The following DENND3 variants were observed in gnomAD, a reference collection of about 807,000 sequenced individuals.
The protein encoded by DENND3 is DENN domain-containing protein 3.
In DENND3, 88 loss-of-function variants were observed where a neutral mutation model predicts 135.1. The ratio of observed to expected loss-of-function variants is 0.65; its 90% CI spans 0.55 to 0.78. The LOEUF (loss-of-function observed/expected upper bound fraction) is 0.78. Ranked by LOEUF, DENND3 falls within the 30% of genes least tolerant of loss-of-function variation. DENND3 has a pLI of 0.00. For missense variants in DENND3, 1,392 were observed against 1,688.4 expected (o/e 0.82, Z 3.08); for synonymous variants, 693 against 712.3 (o/e 0.97, Z 0.43).
chr8:141,160,506 G>A lies in DENND3; in HGVS notation c.1197-126G>A, dbSNP rs1202554828. ...CAGTGATGTACTTTAATGACCACCC[G>A]CCCCTCAAATTATTGATCGGTATTT... On this transcript the variant is annotated intron_variant, in intron 8 of 22. Transcript: ENST00000519811. 6.7e-6 allele frequency: 8 copies of A among 1,195,060 alleles called. No individual in the cohort carries two copies. The Admixed American group carries it at 9.2e-5, about 14-fold the overall frequency. The allele number at this position is 1,195,060 out of a possible 1,614,324, so 74.0% of individuals were successfully genotyped here.
chr8:141,177,880 C>A, intron 15 of DENND3, 187 bp from the exon 16 acceptor site: 1 of 709,944 alleles, frequency 1.4e-6, no homozygotes, highest in Non-Finnish European at 2.1e-6. Flanking sequence ...TATAAACAAT[C>A]AATATTTGTC....
chr8:141,128,949 GCGCGCCTGTGGCCGGGGAT>G lies in DENND3; in HGVS notation c.102+147_102+165del. The G allele has an allele frequency of 1.6e-6, 1 of 612,440 alleles. No individual in the cohort carries two copies. The highest frequency in any genetic ancestry group is 2.5e-6 in the Non-Finnish European group (1 of 404,192). 37.9% of individuals were successfully genotyped at this position (612,440 alleles called of 1,614,324 possible). A position where few individuals can be genotyped will look rare whatever the true frequency, so the allele number is the denominator to read the frequency against. On this transcript the variant is annotated intron_variant, in intron 1 of 22. Transcript: ENST00000519811. The surrounding 1 kb of genome is among the most constrained non-coding windows in gnomAD (Gnocchi z 4.5). The stretch of plus-strand genomic sequence containing the variant: ...GTCCCGGTCCCCCGGCGGTGACCCC[GCGCGCCTGTGGCCGGGGAT>G]CGCGCCCGAGCTCAGGCAGGTGCCC...
At chr8:141,131,177 C>A (rs566621228) in intron 1 of DENND3, among the ~76,000 whole-genome samples, 1 of 152,084 alleles carries the variant, frequency 6.6e-6, no homozygotes, top group African/African-American at 2.4e-5. Context: ...GGAATGGTGA[C>A]CGAGACTTTG....
chr8:141,180,807 C>T lies in DENND3; in HGVS notation c.2897C>T (p.Ala966Val), dbSNP rs759618816. The T allele has an allele frequency of 3.6e-5, 58 of 1,613,188 alleles. No individual in the cohort carries two copies. The highest frequency in any genetic ancestry group is 1.6e-4 in the Middle Eastern group (1 of 6,084). The change falls in exon 17 of 23, where the codon GCG becomes GTG. Residue 966 changes from alanine (A) to valine (V), a missense_variant. Ala to Val is a moderately conservative substitution (Grantham distance 64). Coordinates refer to ENST00000519811, the MANE Select transcript of DENND3 (RefSeq NM_001352890.3). ...ETLKHKINPS[A>V]GEAFPQAVDV... ...CTGAAGCATAAAATCAACCCCTCGGCGGGGGAGGCGTTCCCACAAGCGGTG... is the reference window on the plus strand; with the variant it reads ...CTGAAGCATAAAATCAACCCCTCGGTGGGGGAGGCGTTCCCACAAGCGGTG...
chr8:141,141,397 C>T lies in DENND3; in HGVS notation c.623+73C>T. The T allele has an allele frequency of 7.1e-7, 1 of 1,408,408 alleles. No individual in the cohort carries two copies. The allele number at this position is 1,408,408 out of a possible 1,614,324, so 87.2% of individuals were successfully genotyped here. On this transcript the variant is annotated intron_variant, in intron 4 of 22. Coordinates refer to ENST00000519811, the MANE Select transcript of DENND3 (RefSeq NM_001352890.3). The surrounding 1 kb of genome is among the most constrained non-coding windows in gnomAD (Gnocchi z 5.3). ...TGCCTCTCCAGGTGAGCCAAGGGACCAGGGGGCTGGAGGTGGTGGGGGGGC... is the reference window on the plus strand; with the variant it reads ...TGCCTCTCCAGGTGAGCCAAGGGACTAGGGGGCTGGAGGTGGTGGGGGGGC...
In DENND3 at chr8:141,194,466, C is replaced by T. The variant is rs1825147328; in HGVS notation, c.*233C>T. Reference sequence around the variant, plus strand: ...GGGTGTTTCCTGTTGGGGTGTGTCTCAGGCAGGCAGCTGCGTCTTGTTGGT... The same window carrying T: ...GGGTGTTTCCTGTTGGGGTGTGTCTTAGGCAGGCAGCTGCGTCTTGTTGGT... On this transcript the variant is annotated 3_prime_UTR_variant, in exon 23 of 23. Transcript: ENST00000519811. 5.4e-6 allele frequency: 3 copies of T among 557,488 alleles called. No homozygotes were observed. The Admixed American group carries it at 9.2e-5, about 17-fold the overall frequency. 34.5% of individuals were successfully genotyped at this position (557,488 alleles called of 1,614,324 possible).
chr8:141,191,215 A>C (rs1427937460), intron 20 of DENND3: 1 of 152,244 alleles, frequency 6.6e-6, no homozygotes, highest in South Asian at 2.1e-4. Context: ...CAGGGGATAC[A>C]AGTGCTCTTA....
chr8:141,165,627 G>A (rs1378493806), intron 11 of DENND3, among the ~76,000 whole-genome samples: 1 of 152,066 alleles, frequency 6.6e-6, no homozygotes, highest in African/African-American at 2.4e-5. Flanking sequence ...ATCATGCCCG[G>A]CTAATTTTTG....
chr8:141,190,521 C>A, intron 20 of DENND3, 104 bp downstream of exon 20: 1 of 1,408,560 alleles, frequency 7.1e-7, no homozygotes, highest in Non-Finnish European at 9.2e-7. Flanking sequence ...TCACGCCTTT[C>A]CAGTCTTTAT....
intron 4 of DENND3, chr8:141,143,828 G>T: frequency 4.2e-6 from 1 of 237,862 alleles, no homozygotes; most frequent in South Asian, 8.0e-5. Flanking sequence ...TAAAACACAC[G>T]TACAGACAAA....
intron 18 of DENND3, among the ~76,000 whole-genome samples, chr8:141,187,867 AATT>A (rs1424663954): frequency 3.9e-5 from 6 of 152,200 alleles, no homozygotes; most frequent in Admixed American, 1.3e-4. Flanking sequence ...TTCTAAATTT[AATT>A]TTTTTCAGTT....
rs942844568 is a variant in DENND3, at chr8:141,195,395, T to C, written c.*1162T>C. ...GGGGCTGGCGCATCCTGAGGGTCTCTGGGGGTGTTTGCCAGGCTCCTGGGA... is the reference window on the plus strand; with the variant it reads ...GGGGCTGGCGCATCCTGAGGGTCTCCGGGGGTGTTTGCCAGGCTCCTGGGA... On this transcript the variant is annotated 3_prime_UTR_variant, in exon 23 of 23. Transcript: ENST00000519811. 5.9e-5 allele frequency: 9 copies of C among 152,242 alleles called. No homozygotes were observed. The highest frequency in any genetic ancestry group is 2.2e-4 in the African/African-American group (9 of 41,466). 9.4% of individuals were successfully genotyped at this position (152,242 alleles called of 1,614,324 possible). A position where few individuals can be genotyped will look rare whatever the true frequency, so the allele number is the denominator to read the frequency against.
rs558292742 is a variant in DENND3 at position 141,148,146 on chromosome 8, C to T, written c.736-2688C>T. Among the ~76,000 whole-genome samples, 13 of 152,294 alleles carry T rather than the reference C, an allele frequency of 8.5e-5. No homozygotes were observed. The East Asian group carries it at 1.2e-3, about 14-fold the overall frequency. On this transcript the variant is annotated intron_variant, in intron 5 of 22. Transcript: ENST00000519811. ...CCACTGCAAGCTTAGAGGCTGTTTT[C>T]GAGAGCAGTAGTGAGATGGGTCTTG...
chr8:141,168,121 C>A lies in DENND3; in HGVS notation c.1871C>A (p.Ala624Asp), dbSNP rs981795850. 2.5e-6 allele frequency: 4 copies of A among 1,614,210 alleles called. No homozygotes were observed. The highest frequency in any genetic ancestry group is 3.4e-6 in the Non-Finnish European group (4 of 1,180,036). ...CACTTTGTCTCCATGCTGAGCGAGG[C>A]CATGTGCTTTCTGGCCCCCGATAAC... Reference protein sequence around the residue: ...HAHFVSMLSEAMCFLAPDNSL... With the variant: ...HAHFVSMLSEDMCFLAPDNSL... The change falls in exon 13 of 23, where the codon GCC (alanine) becomes GAC (aspartate). Residue 624 changes from alanine to aspartate, a missense_variant. Coordinates refer to ENST00000519811, the MANE Select transcript of DENND3 (RefSeq NM_001352890.3). This position sits in a 1 kb window ranked among gnomAD's most constrained non-coding sequence, Gnocchi z 6.2.
At chr8:141,161,377 A>G (rs557032671) in intron 9 of DENND3, among the ~76,000 whole-genome samples, 34 of 152,148 alleles carry the variant, frequency 2.2e-4, no homozygotes, top group Non-Finnish European at 4.4e-4. Flanking sequence ...TCCTCATTCC[A>G]CTAATTACAG....
intron 5 of DENND3, among the ~76,000 whole-genome samples, chr8:141,145,006 G>A (rs1298314636): frequency 2.0e-5 from 3 of 152,224 alleles, no homozygotes; most frequent in East Asian, 3.8e-4. Flanking sequence ...CTTTTGTGGG[G>A]GAAATTTGCA....
intron 4 of DENND3, chr8:141,142,375 A>G (rs1250085371): frequency 2.2e-6 from 1 of 456,984 alleles, no homozygotes; most frequent in Non-Finnish European, 4.4e-6. Context: ...AAATCGCTGA[A>G]TTGGTGCTGT....
chr8:141,129,312 A>G (rs1178127832), intron 1 of DENND3, among the ~76,000 whole-genome samples: 1 of 152,108 alleles, frequency 6.6e-6, no homozygotes, highest in African/African-American at 2.4e-5. Flanking sequence ...TGCACCAGGC[A>G]CAGAATAACG....
chr8:141,176,502 C>A, intron 14 of DENND3, 89 bp from the exon 15 acceptor site: 1 of 1,533,730 alleles, frequency 6.5e-7, no homozygotes, highest in African/African-American at 1.4e-5. Flanking sequence ...TCTGCCTCTT[C>A]ATTCCAGAGC....
Sources: gnomAD v4.1 joint callset for allele counts (sites outside exome capture counted in the v4.1 genomes callset) on GRCh38, gnomAD v4.1.1 for gene constraint, Gnocchi (gnomAD v3.1) non-coding constraint, MANE v1.5 for transcripts, NCBI Gene and HGNC (gene_info 2026-07-23, HGNC 2026-07-21) for gene names.